Variants in TFAP2A observed in about 807,000 individuals in gnomAD.
TFAP2A encodes the protein transcription factor AP-2-alpha.
A neutral mutation model predicts 41.5 loss-of-function variants in TFAP2A; 7 were observed. The ratio of observed to expected loss-of-function variants is 0.17; its 90% CI spans 0.10 to 0.32. The LOEUF is 0.32. Among genes scored for constraint, TFAP2A ranks in the 10% least tolerant of loss-of-function variants. The pLI is 1.00. For synonymous variants in TFAP2A, 247 were observed against 242.8 expected (o/e 1.02, Z -0.16); for missense variants, 416 against 563.3 (o/e 0.74, Z 2.65).
At chr6:10,401,728 G>A (rs922894761) in intron 5 of TFAP2A, among the ~76,000 whole-genome samples, 5 of 152,216 alleles carry the variant, frequency 3.3e-5, no homozygotes, top group African/African-American at 1.2e-4. Flanking sequence ...AAACACAGGA[G>A]AGCTATAGAT....
intron 5 of TFAP2A, 158 bp from the exon 6 acceptor site, chr6:10,400,747 G>A (rs2114003421): frequency 1.2e-6 from 1 of 854,136 alleles, no homozygotes; most frequent in Non-Finnish European, 1.9e-6. Flanking sequence ...TTCCTTCTCT[G>A]TAGGATCTGG....
upstream of TFAP2A, chr6:10,416,161 G>A (rs988997228): frequency 6.6e-6 from 1 of 152,182 alleles, no homozygotes; most frequent in African/African-American, 2.4e-5. Flanking sequence ...ATAAATCACC[G>A]GGAACCGACT....
chr6:10,404,363 A>G (rs1405463890), intron 4 of TFAP2A, 145 bp downstream of exon 4: 7 of 471,354 alleles, frequency 1.5e-5, no homozygotes, highest in Admixed American at 9.2e-5. Flanking sequence ...ACTTGGCTCT[A>G]CGCTCTTCTC....
Position 10,397,998 on chromosome 6 carries a change from A to G in TFAP2A, c.*419T>C, listed in dbSNP as rs1377222122. 2.2e-5 allele frequency: 23 copies of G among 1,062,180 alleles called. No individual in the cohort carries two copies. Among genetic ancestry groups the G allele is most frequent in the Non-Finnish European group, 2.6e-5 (23 of 877,150 alleles). The allele number at this position is 1,062,180 out of a possible 1,614,324, so 65.8% of individuals were successfully genotyped here. On this transcript the variant is annotated 3_prime_UTR_variant, in exon 7 of 7. Coordinates refer to ENST00000379613, the MANE Select transcript of TFAP2A (RefSeq NM_001372066.1). ...TGACTCAGTCCCATGAAGCGCATAT[A>G]ATTTTTTTTATTTTCACTTTTTTTT...
rs560622395 is a variant in TFAP2A at position 10,397,999 on chromosome 6, ATTT to A, written c.*415_*417del. The stretch of plus-strand genomic sequence containing the variant: ...GACTCAGTCCCATGAAGCGCATATA[ATTT>A]TTTTTATTTTCACTTTTTTTTTAGA... On this transcript the variant is annotated 3_prime_UTR_variant, in exon 7 of 7. Transcript: ENST00000379613. 2 of 1,063,198 alleles carry A rather than the reference ATTT, an allele frequency of 1.9e-6. No homozygotes were observed. Among genetic ancestry groups the A allele is most frequent in the East Asian group, 8.0e-5 (1 of 12,432 alleles). The allele number at this position is 1,063,198 out of a possible 1,614,324, so 65.9% of individuals were successfully genotyped here.
At chr6:10,413,477 C>T (rs760418671) in intron 1 of TFAP2A, among the ~76,000 whole-genome samples, 2 of 152,166 alleles carry the variant, frequency 1.3e-5, no homozygotes, top group Non-Finnish European at 2.9e-5. Flanking sequence ...CCCAAGCCTC[C>T]GGCCAAAGCC....
chr6:10,402,720 G>A (rs1043738865), intron 4 of TFAP2A, 110 bp from the exon 5 acceptor site: 47 of 853,258 alleles, frequency 5.5e-5, no homozygotes, highest in Middle Eastern at 3.4e-4. Flanking sequence ...AAACTGAGAA[G>A]CTTGGCCCCA....
chr6:10,415,406 A>T (rs558063720), upstream of TFAP2A: 14 of 549,882 alleles, frequency 2.5e-5, no homozygotes, highest in Admixed American at 4.0e-5. Context: ...TACGCCGCGA[A>T]CTTGCTTCTA....
At chr6:10,400,703 C>T (rs1310569682) in intron 5 of TFAP2A, 114 bp from the exon 6 acceptor site, 1 of 1,223,406 alleles carries the variant, frequency 8.2e-7, no homozygotes, top group Admixed American at 1.8e-5. Flanking sequence ...GCAGGAAACA[C>T]AAACTACTTG....
intron 1 of TFAP2A, chr6:10,411,545 C>G (rs372640428): frequency 6.2e-7 from 1 of 1,613,008 alleles, no homozygotes; most frequent in African/African-American, 1.3e-5. Context: ...AAAGAAACAG[C>G]AACGGGGGTG....
At chr6:10,413,391 G>T (rs969756611) in intron 1 of TFAP2A, among the ~76,000 whole-genome samples, 2 of 152,158 alleles carry the variant, frequency 1.3e-5, no homozygotes, top group South Asian at 2.1e-4. Flanking sequence ...ACCTAGAGCC[G>T]CACGGAGGTT....
chr6:10,419,338 C>A (rs1448103298), upstream of TFAP2A: 17 of 1,553,018 alleles, frequency 1.1e-5, no homozygotes, highest in Non-Finnish European at 1.3e-5. Context: ...ACGGCGCTTC[C>A]TCTCCTCCTC....
At position 10,398,083 on chromosome 6, in the gene TFAP2A, T is replaced by A. The variant is rs1409192672; in HGVS notation, c.*334A>T. The A allele has an allele frequency of 9.2e-6, 10 of 1,091,056 alleles. No individual in the cohort carries two copies. Among genetic ancestry groups the A allele is most frequent in the Non-Finnish European group, 7.9e-6 (7 of 882,092 alleles). 67.6% of individuals were successfully genotyped at this position (1,091,056 alleles called of 1,614,324 possible). A position where few individuals can be genotyped will look rare whatever the true frequency, so the allele number is the denominator to read the frequency against. ...GCTGTTGTTGATTTGTTGTTTTGTT[T>A]AAAAAAAAAAGGGTTCACAAACTTG... On this transcript the variant is annotated 3_prime_UTR_variant, in exon 7 of 7. Transcript: ENST00000379613. This position sits in a 1 kb window ranked among gnomAD's most constrained non-coding sequence, Gnocchi z 5.3.
upstream of TFAP2A, chr6:10,418,136 G>A (rs1420474085): frequency 6.6e-6 from 1 of 152,196 alleles, no homozygotes; most frequent in Non-Finnish European, 1.5e-5. Context: ...CTTAAACCAC[G>A]AGGTTTGTCT....
rs754164317 is a variant in TFAP2A at position 10,398,723 on chromosome 6, CAG to C, written c.1032-20_1032-19del. ...ATATCTGTCTGCAGCACAAGTGGAGCAGAGAGAGAGACATAAGGCTCCACTAT... is the reference window on the plus strand; with the variant it reads ...ATATCTGTCTGCAGCACAAGTGGAGCAGAGAGAGACATAAGGCTCCACTAT... On this transcript the variant is annotated intron_variant, in intron 6 of 6. Transcript: ENST00000379613. This position sits in a 1 kb window ranked among gnomAD's most constrained non-coding sequence, Gnocchi z 5.3. 5 of 1,611,656 alleles carry C rather than the reference CAG, an allele frequency of 3.1e-6. No individual in the cohort carries two copies. Among genetic ancestry groups the C allele is most frequent in the African/African-American group, 1.3e-5 (1 of 74,890 alleles).
Position 10,398,658 on chromosome 6 carries a change from G to A in TFAP2A, c.1079C>T (p.Pro360Leu). The A allele has an allele frequency of 6.2e-7, 1 of 1,614,184 alleles. No homozygotes were observed. Among genetic ancestry groups the A allele is most frequent in the Non-Finnish European group, 8.5e-7 (1 of 1,180,016 alleles). ...GGGGTTGGGCCGTGAGTTCCCCAGG[G>A]GAGATCGGTCCTGAGCCAGCAGGTC... ...FTDLLAQDRS[P>L]LGNSRPNPIL... Residue 360 changes from proline to leucine, a missense_variant, in exon 7 of 7, where the codon CCC becomes CTC. By Grantham distance (98) the Pro-to-Leu change is moderately conservative (BLOSUM62 -3). Around this residue, in one of 3 missense-constraint regions of TFAP2A, gnomAD observed 116 missense variants for 153.8 expected, o/e 0.75. Transcript: ENST00000379613. This position sits in a 1 kb window ranked among gnomAD's most constrained non-coding sequence, Gnocchi z 5.3.
chr6:10,417,957 T>C (rs56229339), upstream of TFAP2A, among the ~76,000 whole-genome samples: 5,389 of 152,298 alleles, frequency 0.035, 229 homozygotes, highest in African/African-American at 0.1. Flanking sequence ...CTAGGAATTC[T>C]GCAGCGAAAT....
intron 2 of TFAP2A, 130 bp downstream of exon 2, chr6:10,409,771 G>A (rs1026939484): frequency 8.5e-7 from 1 of 1,175,068 alleles, no homozygotes; most frequent in African/African-American, 1.5e-5. Flanking sequence ...CTCCGCCTCC[G>A]AATAAAATGT....
rs1186132832 is a variant in TFAP2A, at chr6:10,399,865, G to A, written c.1031+583C>T. Among the ~76,000 whole-genome samples, 10 of 152,046 alleles carry A rather than the reference G, an allele frequency of 6.6e-5. No homozygotes were observed. In the East Asian group the frequency reaches 7.7e-4, roughly 12 times the overall value. Reference sequence around the variant, plus strand: ...CATTTTGAAATCTATTTGACTTCTCGCCTGTGGGCTAAAACTTATGTGGGG... The same window carrying A: ...CATTTTGAAATCTATTTGACTTCTCACCTGTGGGCTAAAACTTATGTGGGG... On this transcript the variant is annotated intron_variant, in intron 6 of 6. Transcript: ENST00000379613.
Sources: allele counts gnomAD v4.1 joint callset (sites outside exome capture counted in the v4.1 genomes callset), GRCh38; gene constraint gnomAD v4.1.1; regional missense constraint gnomAD v4.1.1; non-coding constraint Gnocchi (gnomAD v3.1); transcripts MANE v1.5; gene names NCBI Gene and HGNC (gene_info 2026-07-23, HGNC 2026-07-21).